Variants in DNAH9 observed in about 807,000 individuals in gnomAD.
The protein encoded by DNAH9 is dynein axonemal heavy chain 9.
Under a neutral mutation model 471.6 loss-of-function variants are expected in DNAH9, and 345 were observed. That is an observed-to-expected ratio of 0.73 (90% CI 0.67 to 0.80). DNAH9 has a LOEUF of 0.80. Among genes scored for constraint, DNAH9 ranks in the 30% least tolerant of loss-of-function variants. The probability of loss-of-function intolerance (pLI) is 0.00; values close to 1 mark genes in which losing one functional copy is unlikely to be tolerated. For synonymous variants in DNAH9, 2,093 were observed against 2,123.6 expected (o/e 0.99, Z 0.40); for missense variants, 5,407 against 5,609.2 (o/e 0.96, Z 1.15).
intron 50 of DNAH9, among the ~76,000 whole-genome samples, chr17:11,858,903 G>A (rs1840361926): frequency 6.6e-6 from 1 of 151,810 alleles, no homozygotes; most frequent in African/African-American, 2.4e-5. Context: ...GACCAACAAT[G>A]GTGAAACCCA....
Position 11,940,728 on chromosome 17 carries a change from C to G in DNAH9, c.12661-1575C>G, listed in dbSNP as rs183751769. On this transcript the variant is annotated intron_variant, in intron 66 of 68. Coordinates refer to ENST00000262442, the MANE Select transcript of DNAH9 (RefSeq NM_001372.4). The stretch of plus-strand genomic sequence containing the variant: ...AGCTTTCAGAGACTGCCACACTCAT[C>G]AGCTCATTTGATTTGATCTTCACAT... Among the ~76,000 whole-genome samples, 64 of 152,318 alleles carry G rather than the reference C, an allele frequency of 4.2e-4. 2 individuals carry two copies. In the East Asian group the frequency reaches 0.012, roughly 28 times the overall value.
chr17:11,652,800 A>G lies in DNAH9; in HGVS notation c.2393A>G (p.His798Arg), dbSNP rs138943066. 2.5e-6 allele frequency: 4 copies of G among 1,613,630 alleles called. No individual in the cohort carries two copies. Among genetic ancestry groups the G allele is most frequent in the Non-Finnish European group, 3.4e-6 (4 of 1,179,530 alleles). The change falls in exon 14 of 69, where the codon CAT becomes CGT. Residue 798 changes from histidine (H) to arginine (R), a missense_variant. Coordinates refer to ENST00000262442, the MANE Select transcript of DNAH9 (RefSeq NM_001372.4). ...DYVTEITSSI[H>R]DLEQRIQKTK... ...GTCACTGAAATCACCAGTAGTATTC[A>G]TGATCTTGAACAAAGAATTCAGAAA...
intron 49 of DNAH9, among the ~76,000 whole-genome samples, chr17:11,840,887 AC>A (rs146108878): frequency 1.5e-3 from 234 of 152,256 alleles, no homozygotes; most frequent in African/African-American, 5.3e-3. Context: ...AGCCCTCCCA[AC>A]CCCTTGATTT....
chr17:11,832,880 T>C (rs890503457), intron 48 of DNAH9, among the ~76,000 whole-genome samples: 2 of 152,222 alleles, frequency 1.3e-5, no homozygotes, highest in African/African-American at 4.8e-5. Flanking sequence ...GCTTCTTTAC[T>C]TTCTAGAAAT....
intron 49 of DNAH9, among the ~76,000 whole-genome samples, chr17:11,841,397 C>T (rs915488941): frequency 6.6e-5 from 10 of 152,224 alleles, no homozygotes; most frequent in East Asian, 1.9e-4. Flanking sequence ...TTTTTTAAAG[C>T]GTGTGGGTAA....
At chr17:11,850,694 A>C (rs1251900754) in intron 49 of DNAH9, among the ~76,000 whole-genome samples, 1 of 151,310 alleles carries the variant, frequency 6.6e-6, no homozygotes, top group South Asian at 2.1e-4. Flanking sequence ...TGTTTCTATT[A>C]GCACCACGCT....
rs564678864 is a variant in DNAH9 at position 11,903,874 on chromosome 17, G to A, written c.11600+962G>A. On this transcript the variant is annotated intron_variant, in intron 60 of 68. Coordinates refer to ENST00000262442, the MANE Select transcript of DNAH9 (RefSeq NM_001372.4). ...TGCAGTGAGCCAAGATTGCACCACC[G>A]CACTCTAGCCTGGGCAACAGAGGGA... Among the ~76,000 whole-genome samples, 16 of 150,946 alleles carry A rather than the reference G, an allele frequency of 1.1e-4. No homozygotes were observed. The South Asian group carries it at 1.9e-3, about 18-fold the overall frequency.
chr17:11,788,652 T>A (rs1251311398), intron 41 of DNAH9, among the ~76,000 whole-genome samples: 1 of 152,198 alleles, frequency 6.6e-6, no homozygotes. Flanking sequence ...TGTGTATCTC[T>A]ATTTTTAATA....
At chr17:11,941,503 A>G (rs1974906056) in intron 66 of DNAH9, among the ~76,000 whole-genome samples, 1 of 152,124 alleles carries the variant, frequency 6.6e-6, no homozygotes, top group Non-Finnish European at 1.5e-5. Context: ...CTGAGCCTCA[A>G]TTCCAGTTTT....
intron 43 of DNAH9, among the ~76,000 whole-genome samples, chr17:11,801,626 G>C (rs1455393233): frequency 1.3e-5 from 2 of 152,100 alleles, no homozygotes; most frequent in African/African-American, 4.8e-5. Context: ...GGGAGGCAGC[G>C]GTTGCAGTGA....
intron 48 of DNAH9, among the ~76,000 whole-genome samples, chr17:11,828,821 C>T (rs942356202): frequency 3.3e-4 from 50 of 152,306 alleles, no homozygotes; most frequent in African/African-American, 1.2e-3. Flanking sequence ...ATTCCCTTCT[C>T]TCTGGGTTCC....
intron 56 of DNAH9, chr17:11,884,516 G>C (rs1369924255): frequency 2.2e-6 from 1 of 455,100 alleles, no homozygotes; most frequent in African/African-American, 2.0e-5. Flanking sequence ...TACCTTTGAC[G>C]GAAGATGCTT....
In DNAH9 at chr17:11,784,603, A is replaced by C. The variant is rs954682390; in HGVS notation, c.8061+64A>C. ...GATTATCCAGATGCTCCGATTCTTC[A>C]TAAAAATAAGTAGCTAATGCCCAGC... On this transcript the variant is annotated intron_variant, in intron 41 of 68. Transcript: ENST00000262442. The C allele has an allele frequency of 5.6e-6, 9 of 1,607,342 alleles. No homozygotes were observed. In the South Asian group the frequency reaches 8.9e-5, roughly 16 times the overall value.
chr17:11,676,266 ATTTCTGTTCTT>A (rs2074047841), intron 17 of DNAH9, among the ~76,000 whole-genome samples: 1 of 116,350 alleles, frequency 8.6e-6, no homozygotes, highest in African/African-American at 3.3e-5. Context: ...CCCTCTTTTC[ATTTCTGTTCTT>A]TTTTTTTTTT....
At chr17:11,948,350 T>C (rs2014398539) in intron 67 of DNAH9, among the ~76,000 whole-genome samples, 2 of 148,114 alleles carry the variant, frequency 1.4e-5, no homozygotes, top group Admixed American at 6.8e-5. Context: ...TGCCTCAGCC[T>C]CCCAAGTAGC....
chr17:11,821,445 C>T (rs887754826), intron 45 of DNAH9, among the ~76,000 whole-genome samples: 1 of 152,134 alleles, frequency 6.6e-6, no homozygotes, highest in Non-Finnish European at 1.5e-5. Flanking sequence ...TGCTTTCTCC[C>T]CTTTTTCTCT....
chr17:11,840,585 CT>C (rs1970999539), intron 49 of DNAH9, among the ~76,000 whole-genome samples: 1 of 152,174 alleles, frequency 6.6e-6, no homozygotes, highest in Non-Finnish European at 1.5e-5. Flanking sequence ...ACATCCTAAT[CT>C]CTGAAGCATG....
chr17:11,834,204 C>T (rs909337491), intron 48 of DNAH9, among the ~76,000 whole-genome samples: 3 of 151,804 alleles, frequency 2.0e-5, no homozygotes, highest in Admixed American at 6.6e-5. Context: ...TGGCACATGC[C>T]TGTAGTTCCA....
chr17:11,805,803 T>G (rs2150922868), intron 43 of DNAH9, among the ~76,000 whole-genome samples: 1 of 152,250 alleles, frequency 6.6e-6, no homozygotes, highest in South Asian at 2.1e-4. Flanking sequence ...TCCCCCCACC[T>G]TGGCTTCCCA....
Sources: gnomAD v4.1 joint callset for allele counts (sites outside exome capture counted in the v4.1 genomes callset) on GRCh38, gnomAD v4.1.1 for gene constraint, MANE v1.5 for transcripts, NCBI Gene and HGNC (gene_info 2026-07-23, HGNC 2026-07-21) for gene names.